The following EPB41 variants were observed in gnomAD, a reference collection of about 807,000 sequenced individuals.
The protein encoded by EPB41 is erythrocyte membrane protein band 4.1.
Under a neutral mutation model 108.0 loss-of-function variants are expected in EPB41, and 65 were observed. That is an observed-to-expected ratio of 0.60 (90% CI 0.49 to 0.74). EPB41 has a LOEUF of 0.74. Ranked by LOEUF, EPB41 falls within the 30% of genes least tolerant of loss-of-function variation. EPB41 has a pLI of 0.00. For missense variants in EPB41, 875 were observed against 1,037.0 expected, an observed-to-expected ratio of 0.84 and a Z score of 2.15; for synonymous variants, 336 against 358.9, an observed-to-expected ratio of 0.94 and a Z score of 0.72.
chr1:28,961,426 A>G (rs1039741405), intron 1 of EPB41, among the ~76,000 whole-genome samples: 13 of 152,200 alleles, frequency 8.5e-5, no homozygotes, highest in Admixed American at 7.9e-4. Context: ...TGAATAAAGG[A>G]TAAAGTAGCA....
At chr1:29,005,087 C>A (rs2096376130) in intron 4 of EPB41, among the ~76,000 whole-genome samples, 1 of 152,046 alleles carries the variant, frequency 6.6e-6, no homozygotes, top group Non-Finnish European at 1.5e-5. Flanking sequence ...AAAGAAATAT[C>A]TATAAAGAAA....
chr1:28,957,262 G>C (rs2094992420), intron 1 of EPB41, among the ~76,000 whole-genome samples: 1 of 152,174 alleles, frequency 6.6e-6, no homozygotes, highest in African/African-American at 2.4e-5. Flanking sequence ...GTAGTTTTTA[G>C]GCATCTTCAT....
intron 16 of EPB41, chr1:29,072,694 C>T (rs1357214970): frequency 6.6e-6 from 1 of 152,104 alleles, no homozygotes; most frequent in Non-Finnish European, 1.5e-5. Flanking sequence ...ATGGCCAAGC[C>T]CTTGTATTGG....
At chr1:29,093,847 G>C (rs1189574070) in intron 16 of EPB41, among the ~76,000 whole-genome samples, 1 of 152,196 alleles carries the variant, frequency 6.6e-6, no homozygotes, top group Admixed American at 6.5e-5. Context: ...GGAGGTTGCA[G>C]TGAGCCAAGA....
At chr1:29,070,790 A>C in intron 16 of EPB41, 1 of 1,013,408 alleles carries the variant, frequency 9.9e-7, no homozygotes, top group Non-Finnish European at 1.3e-6. Flanking sequence ...ATTGTGGGGT[A>C]CAAAGGAGTA....
At chr1:29,013,376 A>G (rs931376236) in intron 5 of EPB41, among the ~76,000 whole-genome samples, 5 of 151,962 alleles carry the variant, frequency 3.3e-5, no homozygotes, top group Admixed American at 1.3e-4. Flanking sequence ...ACATGGGGGA[A>G]AAAAACAAAA....
intron 1 of EPB41, among the ~76,000 whole-genome samples, chr1:28,904,657 G>A (rs2091615400): frequency 6.6e-6 from 1 of 152,098 alleles, no homozygotes; most frequent in African/African-American, 2.4e-5. Flanking sequence ...CAGTACTTTG[G>A]GAGGCGGAGG....
intron 11 of EPB41, chr1:29,041,143 TAAATTAAATAAATAAATAAA>T (rs1286516412): frequency 3.0e-5 from 4 of 135,526 alleles, no homozygotes; most frequent in African/African-American, 5.8e-5. Flanking sequence ...CATAAATAAA[TAAATTAAATAAATAAATAAA>T]TAAATAAATA....
intron 12 of EPB41, among the ~76,000 whole-genome samples, chr1:29,057,230 G>A (rs1382118523): frequency 6.6e-6 from 1 of 151,780 alleles, no homozygotes; most frequent in Non-Finnish European, 1.5e-5. Flanking sequence ...CAAAAAATTA[G>A]CCAGGCATGG....
intron 1 of EPB41, among the ~76,000 whole-genome samples, chr1:28,950,046 A>T (rs536186285): frequency 6.6e-6 from 1 of 152,194 alleles, no homozygotes; most frequent in Non-Finnish European, 1.5e-5. Flanking sequence ...GCAGTGGTAC[A>T]GTGAACATTC....
intron 1 of EPB41, among the ~76,000 whole-genome samples, chr1:28,916,825 C>G (rs1327390283): frequency 6.6e-6 from 1 of 151,344 alleles, no homozygotes; most frequent in African/African-American, 2.4e-5. Flanking sequence ...GGGTCTCATT[C>G]TGTCACCCAG....
chr1:29,005,310 A>G (rs1391128484), intron 4 of EPB41, among the ~76,000 whole-genome samples: 1 of 152,070 alleles, frequency 6.6e-6, no homozygotes, highest in Non-Finnish European at 1.5e-5. Flanking sequence ...GAACAACACC[A>G]AAGGGGGAAA....
rs375701825 is a variant in EPB41 at position 28,978,364 on chromosome 1, C to G, written c.-7-9067C>G. 7.3e-5 allele frequency among the ~76,000 whole-genome samples: 11 copies of G among 151,646 alleles called. No individual in the cohort carries two copies. In the East Asian group the frequency reaches 1.9e-3, roughly 27 times the overall value. ...TCCTGAAAGATCAAAATCCCTGAAT[C>G]CTAAATCCCTGAAGTCTAAAATCCC... On this transcript the variant is annotated intron_variant, in intron 1 of 20. Coordinates refer to ENST00000343067, the MANE Select transcript of EPB41 (RefSeq NM_001376013.1).
chr1:29,055,227 A>G (rs1645164860), intron 12 of EPB41, among the ~76,000 whole-genome samples: 1 of 152,032 alleles, frequency 6.6e-6, no homozygotes, highest in Non-Finnish European at 1.5e-5. Context: ...ATGTTAGACT[A>G]CCTCTTCAGT....
At position 29,058,616 on chromosome 1, in the gene EPB41, G is replaced by A. The variant is rs1177700247; in HGVS notation, c.1873G>A (p.Val625Ile). The A allele has an allele frequency of 6.2e-7, 1 of 1,613,792 alleles. No individual in the cohort carries two copies. Among genetic ancestry groups the A allele is most frequent in the Admixed American group, 1.7e-5 (1 of 60,000 alleles). The stretch of plus-strand genomic sequence containing the variant: ...GGAAAAAACCCACATCGAGGTGACA[G>A]TACCCACCTCAAATGGTGACCAAAC... ...KVEKTHIEVT[V>I]PTSNGDQTQK... is the part of the protein sequence containing the mutation. The change falls in exon 13 of 21, where the codon GTA (valine) becomes ATA (isoleucine). Residue 625 changes from valine to isoleucine, a missense_variant. By Grantham distance (29) the Val-to-Ile change is conservative. Coordinates refer to ENST00000343067, the MANE Select transcript of EPB41 (RefSeq NM_001376013.1).
intron 1 of EPB41, among the ~76,000 whole-genome samples, chr1:28,936,711 A>T (rs1056476122): frequency 1.3e-5 from 2 of 152,220 alleles, no homozygotes; most frequent in Non-Finnish European, 2.9e-5. Context: ...ATGTGGTAGC[A>T]TGTATCAGTA....
chr1:29,049,637 A>G (rs1644139795), intron 11 of EPB41, among the ~76,000 whole-genome samples: 1 of 152,224 alleles, frequency 6.6e-6, no homozygotes, highest in African/African-American at 2.4e-5. Flanking sequence ...TGTGCTAGTA[A>G]ATAACAGCTA....
At chr1:28,970,864 T>C (rs2095476003) in intron 1 of EPB41, among the ~76,000 whole-genome samples, 1 of 152,244 alleles carries the variant, frequency 6.6e-6, no homozygotes, top group Non-Finnish European at 1.5e-5. Context: ...CTCTCTTTTT[T>C]TGGAGATGGA....
At chr1:29,084,444 A>G (rs1020461997) in intron 16 of EPB41, among the ~76,000 whole-genome samples, 6 of 152,242 alleles carry the variant, frequency 3.9e-5, no homozygotes, top group Non-Finnish European at 7.3e-5. Flanking sequence ...GACAGAATGC[A>G]AAATAAAATG....
Sources: allele counts gnomAD v4.1 joint callset (sites outside exome capture counted in the v4.1 genomes callset), GRCh38; gene constraint gnomAD v4.1.1; transcripts MANE v1.5; gene names NCBI Gene and HGNC (gene_info 2026-07-23, HGNC 2026-07-21).